The following CAMK1D variants were observed in gnomAD, a reference collection of about 807,000 sequenced individuals.
The protein encoded by CAMK1D is calcium/calmodulin dependent protein kinase ID, also known as calcium/calmodulin-dependent protein kinase type 1D.
A neutral mutation model predicts 47.7 loss-of-function variants in CAMK1D; 9 were observed. The ratio of observed to expected loss-of-function variants is 0.19; its 90% CI spans 0.11 to 0.33. The LOEUF is 0.33. Ranked by LOEUF, CAMK1D falls within the 10% of genes least tolerant of loss-of-function variation. CAMK1D has a pLI of 1.00. For synonymous variants in CAMK1D, 184 were observed against 184.9 expected (o/e 0.99, Z 0.04); for missense variants, 291 against 488.7 (o/e 0.60, Z 3.81).
At chr10:12,358,950 A>G (rs1409660689) in intron 1 of CAMK1D, among the ~76,000 whole-genome samples, 1 of 152,190 alleles carries the variant, frequency 6.6e-6, no homozygotes, top group Non-Finnish European at 1.5e-5. Context: ...CTTGTTGCAA[A>G]TAGGCAGGAT....
chr10:12,577,049 C>T (rs376795856), intron 2 of CAMK1D, among the ~76,000 whole-genome samples: 11 of 152,302 alleles, frequency 7.2e-5, no homozygotes, highest in African/African-American at 1.7e-4. Context: ...GTTTCTAGCA[C>T]GGACTGGGAT....
chr10:12,522,584 C>T (rs1471128411), intron 1 of CAMK1D, among the ~76,000 whole-genome samples: 1 of 152,092 alleles, frequency 6.6e-6, no homozygotes, highest in African/African-American at 2.4e-5. Flanking sequence ...TGAAAAGTCT[C>T]CCATGTCCAC....
At chr10:12,588,671 T>A (rs1837893492) in intron 2 of CAMK1D, among the ~76,000 whole-genome samples, 1 of 152,066 alleles carries the variant, frequency 6.6e-6, no homozygotes, top group African/African-American at 2.4e-5. Flanking sequence ...AAGACTCTGT[T>A]GTACCCGACA....
chr10:12,583,285 A>T (rs552220492), intron 2 of CAMK1D, among the ~76,000 whole-genome samples: 3 of 152,182 alleles, frequency 2.0e-5, no homozygotes, highest in Admixed American at 6.5e-5. Flanking sequence ...GATGGTTCCA[A>T]TGATATGAGT....
intron 3 of CAMK1D, among the ~76,000 whole-genome samples, chr10:12,675,760 C>T (rs1366538157): frequency 1.3e-5 from 2 of 152,174 alleles, no homozygotes; most frequent in African/African-American, 4.8e-5. Flanking sequence ...ATTATGGTGG[C>T]CTCCAGGGAC....
chr10:12,366,488 C>G (rs1048106183), intron 1 of CAMK1D, among the ~76,000 whole-genome samples: 14 of 142,378 alleles, frequency 9.8e-5, no homozygotes, highest in African/African-American at 3.5e-4. Flanking sequence ...AACCCCATGT[C>G]TACTAAAAAT....
chr10:12,570,765 C>G (rs970586829), intron 2 of CAMK1D, among the ~76,000 whole-genome samples: 1 of 150,252 alleles, frequency 6.7e-6, no homozygotes, highest in Admixed American at 6.6e-5. Flanking sequence ...AGGAGTTCAA[C>G]GCCAATCTGG....
chr10:12,441,267 G>A (rs901723646), intron 1 of CAMK1D, among the ~76,000 whole-genome samples: 1 of 152,082 alleles, frequency 6.6e-6, no homozygotes, highest in Non-Finnish European at 1.5e-5. Flanking sequence ...GTGCGACCTC[G>A]GCTCACTGCA....
rs1564597057 is a variant in CAMK1D at position 12,830,961 on chromosome 10, ACAC to A, written c.*2075_*2077del. On this transcript the variant is annotated 3_prime_UTR_variant, in exon 11 of 11. Coordinates refer to ENST00000619168, the MANE Select transcript of CAMK1D (RefSeq NM_153498.4). ...CACACACACACACACACACACACAC[ACAC>A]AATGTTATTAGGCACAGCAGCTCCA... 765 of 147,154 alleles carry A rather than the reference ACAC, an allele frequency of 5.2e-3. 6 individuals are homozygous for A. Among genetic ancestry groups the A allele is most frequent in the African/African-American group, 0.014 (502 of 37,052 alleles). 9.1% of individuals were successfully genotyped at this position (147,154 alleles called of 1,614,324 possible).
At chr10:12,763,876 C>T (rs1836619150) in intron 4 of CAMK1D, among the ~76,000 whole-genome samples, 1 of 152,132 alleles carries the variant, frequency 6.6e-6, no homozygotes. Flanking sequence ...TTAATTTTTC[C>T]AGTGAGTCCC....
At chr10:12,583,466 G>A (rs1241582916) in intron 2 of CAMK1D, among the ~76,000 whole-genome samples, 1 of 152,142 alleles carries the variant, frequency 6.6e-6, no homozygotes, top group Non-Finnish European at 1.5e-5. Flanking sequence ...TTGATCAGAC[G>A]TTGTCTGTCA....
At chr10:12,748,402 G>A (rs150662767) in intron 3 of CAMK1D, among the ~76,000 whole-genome samples, 20 of 152,314 alleles carry the variant, frequency 1.3e-4, no homozygotes, top group East Asian at 5.8e-4. Flanking sequence ...GAGGGATGCC[G>A]AGGGTCTGGA....
chr10:12,571,275 G>A (rs568735084), intron 2 of CAMK1D, among the ~76,000 whole-genome samples: 3 of 151,770 alleles, frequency 2.0e-5, no homozygotes, highest in Admixed American at 6.6e-5. Flanking sequence ...TGAAACCCCC[G>A]TCTCTATGAG....
In CAMK1D at chr10:12,469,090, G is replaced by A. The variant is rs73569456; in HGVS notation, c.93-84135G>A. On this transcript the variant is annotated intron_variant, in intron 1 of 10. Transcript: ENST00000619168. Reference sequence around the variant, plus strand: ...AGGGGATGGAGACCTGTAGCTCCCCGGATAAAGAGGAAATGGGGTGAGGAG... The same window carrying A: ...AGGGGATGGAGACCTGTAGCTCCCCAGATAAAGAGGAAATGGGGTGAGGAG... Among the ~76,000 whole-genome samples, 1,521 of 152,118 alleles carry A rather than the reference G, an allele frequency of 1.0e-2. 22 individuals carry two copies. Among genetic ancestry groups the A allele is most frequent in the African/African-American group, 0.034 (1,411 of 41,478 alleles).
At chr10:12,677,478 A>G (rs890686525) in intron 3 of CAMK1D, among the ~76,000 whole-genome samples, 5 of 152,162 alleles carry the variant, frequency 3.3e-5, no homozygotes, top group African/African-American at 4.8e-5. Context: ...GATGCTCCTC[A>G]GTAGTGCTCC....
chr10:12,802,719 A>G (rs1206696643), intron 6 of CAMK1D, among the ~76,000 whole-genome samples: 3 of 152,058 alleles, frequency 2.0e-5, no homozygotes, highest in Admixed American at 1.3e-4. Context: ...ATGGGGTTTC[A>G]CCATGTTGGC....
At chr10:12,491,097 C>T (rs76426122) in intron 1 of CAMK1D, among the ~76,000 whole-genome samples, 7,904 of 152,200 alleles carry the variant, frequency 0.052, 303 homozygotes, top group Non-Finnish European at 0.07. Flanking sequence ...GCCAGAATCA[C>T]CTGGCCCCAT....
chr10:12,364,286 G>T (rs910205465), intron 1 of CAMK1D, among the ~76,000 whole-genome samples: 3 of 146,730 alleles, frequency 2.0e-5, no homozygotes, highest in Non-Finnish European at 3.0e-5. Context: ...CTGTTGCCCA[G>T]GCTGGAGTGC....
At chr10:12,384,945 A>G (rs138923469) in intron 1 of CAMK1D, among the ~76,000 whole-genome samples, 79 of 152,356 alleles carry the variant, frequency 5.2e-4, no homozygotes, top group African/African-American at 1.7e-3. Context: ...TGATAACCCA[A>G]TTAAAAACGG....
Sources: allele counts gnomAD v4.1 joint callset (sites outside exome capture counted in the v4.1 genomes callset), GRCh38; gene constraint gnomAD v4.1.1; transcripts MANE v1.5; gene names NCBI Gene and HGNC (gene_info 2026-07-23, HGNC 2026-07-21).